Variants in SLC6A5 observed in about 807,000 individuals in gnomAD.
SLC6A5 encodes sodium- and chloride-dependent glycine transporter 2.
A neutral mutation model predicts 90.5 loss-of-function variants in SLC6A5; 58 were observed. The observed-to-expected ratio is 0.64, with a 90% CI of 0.52 to 0.80. The LOEUF (loss-of-function observed/expected upper bound fraction) is 0.80, where lower values mean the gene tolerates loss of function less well. SLC6A5 is among the 30% of genes least tolerant of loss of function. SLC6A5 has a pLI of 0.00. For missense variants in SLC6A5, 1,015 were observed against 1,017.6 expected (o/e 1.00, Z 0.03); for synonymous variants, 427 against 401.4 (o/e 1.06, Z -0.76).
At chr11:20,601,024 G>T in intron 1 of SLC6A5, 105 bp from the exon 2 acceptor site, 3 of 1,161,672 alleles carry the variant, frequency 2.6e-6, no homozygotes, top group South Asian at 3.1e-5. Context: ...TGCTTCCCCA[G>T]ATATTGTGTC....
chr11:20,600,912 A>G (rs1394544720), intron 1 of SLC6A5, among the ~76,000 whole-genome samples: 3 of 152,076 alleles, frequency 2.0e-5, no homozygotes, highest in Non-Finnish European at 2.9e-5. Flanking sequence ...TCCACTAGGG[A>G]GGGAATATTA....
chr11:20,601,193 A>G lies in SLC6A5; in HGVS notation c.68A>G (p.Gln23Arg). 1 of 1,583,572 alleles carries G rather than the reference A, an allele frequency of 6.3e-7. No individual in the cohort carries two copies. The highest frequency in any genetic ancestry group is 8.5e-7 in the Non-Finnish European group (1 of 1,173,224). Residue 23 changes from glutamine to arginine, a missense_variant, in exon 2 of 16, where the codon CAG becomes CGG. Gln to Arg is a conservative substitution (Grantham distance 43). Around this residue, in one of 3 missense-constraint regions of SLC6A5, gnomAD observed 567 missense variants for 507.3 expected, o/e 1.12. Transcript: ENST00000525748. ...PANSPEAAAA[Q>R]GHPDGPCAPR... ...AACAGCCCGGAGGCGGCGGCGGCGC[A>G]GGGCCACCCGGATGGCCCATGCGCT...
chr11:20,650,958 G>A (rs971067882), intron 14 of SLC6A5, among the ~76,000 whole-genome samples: 2 of 151,740 alleles, frequency 1.3e-5, no homozygotes, highest in South Asian at 2.1e-4. Flanking sequence ...GAGCCACCGC[G>A]CCCGGCCAGA....
chr11:20,619,846 A>G (rs987177185), intron 7 of SLC6A5, among the ~76,000 whole-genome samples: 1 of 152,144 alleles, frequency 6.6e-6, no homozygotes, highest in East Asian at 1.9e-4. Context: ...GAGAACTGGG[A>G]TTCAGTGACC....
chr11:20,636,732 A>T (rs924227352), intron 11 of SLC6A5, among the ~76,000 whole-genome samples: 1 of 152,188 alleles, frequency 6.6e-6, no homozygotes, highest in African/African-American at 2.4e-5. Context: ...TGGATAAAGA[A>T]TAATGTGAAA....
chr11:20,621,198 T>C (rs775195600), intron 7 of SLC6A5, among the ~76,000 whole-genome samples: 17 of 152,196 alleles, frequency 1.1e-4, no homozygotes, highest in Non-Finnish European at 1.9e-4. Flanking sequence ...CATTTTCATA[T>C]AGTGGGGGAA....
chr11:20,633,767 G>T (rs1400389877), intron 10 of SLC6A5, among the ~76,000 whole-genome samples: 1 of 152,194 alleles, frequency 6.6e-6, no homozygotes, highest in Non-Finnish European at 1.5e-5. Context: ...CTCTATAAAG[G>T]TAGGTACTAT....
chr11:20,610,240 C>A (rs969300165), intron 5 of SLC6A5, among the ~76,000 whole-genome samples: 10 of 152,220 alleles, frequency 6.6e-5, no homozygotes, highest in African/African-American at 1.7e-4. Context: ...TGAGATGGCC[C>A]ATCATTCCCT....
At chr11:20,623,389 C>A (rs770520700) in intron 7 of SLC6A5, among the ~76,000 whole-genome samples, 7 of 152,142 alleles carry the variant, frequency 4.6e-5, no homozygotes, top group African/African-American at 7.2e-5. Flanking sequence ...TCACACTCCC[C>A]ATGAAGTCTG....
In SLC6A5 at chr11:20,658,889, A is replaced by G. The variant is rs1053479849; in HGVS notation, c.*4021A>G. 2 of 152,094 alleles carry G rather than the reference A, an allele frequency of 1.3e-5. No homozygotes were observed. The highest frequency in any genetic ancestry group is 2.9e-5 in the Non-Finnish European group (2 of 68,008). The allele number at this position is 152,094 out of a possible 1,614,324, so 9.4% of individuals were successfully genotyped here. On this transcript the variant is annotated 3_prime_UTR_variant, in exon 16 of 16. Transcript: ENST00000525748. ...TTTTGCACTTTATTATGGACCTGTA[A>G]AGGAATAGGTTAATTCTTACATTGT...
chr11:20,606,751 TC>T (rs1325650044), intron 3 of SLC6A5, among the ~76,000 whole-genome samples: 2 of 152,088 alleles, frequency 1.3e-5, no homozygotes, highest in Non-Finnish European at 2.9e-5. Context: ...TCAGCACATA[TC>T]CCTAGCCATC....
At chr11:20,621,846 T>C (rs759401982) in intron 7 of SLC6A5, among the ~76,000 whole-genome samples, 8 of 152,220 alleles carry the variant, frequency 5.3e-5, no homozygotes, top group Non-Finnish European at 8.8e-5. Flanking sequence ...TATTTCACTG[T>C]TGGAGGCTGT....
At chr11:20,617,727 C>T (rs370888931) in intron 6 of SLC6A5, 25 bp from the exon 7 acceptor site, 3 of 1,608,908 alleles carry the variant, frequency 1.9e-6, no homozygotes, top group Non-Finnish European at 2.6e-6. Context: ...CTATCACTCC[C>T]CCCATCCCTC....
intron 7 of SLC6A5, among the ~76,000 whole-genome samples, chr11:20,618,810 A>G (rs540321981): frequency 2.6e-5 from 4 of 152,060 alleles, no homozygotes; most frequent in African/African-American, 4.8e-5. Flanking sequence ...GGTGGGGGGC[A>G]CCTGTAGTCC....
chr11:20,606,786 G>A (rs1030463429), intron 3 of SLC6A5, among the ~76,000 whole-genome samples: 1 of 152,214 alleles, frequency 6.6e-6, no homozygotes, highest in Non-Finnish European at 1.5e-5. Context: ...TTGAAATAAG[G>A]AGTGTATTTG....
chr11:20,642,799 C>T (rs1853338525), intron 13 of SLC6A5, among the ~76,000 whole-genome samples: 1 of 152,178 alleles, frequency 6.6e-6, no homozygotes, highest in African/African-American at 2.4e-5. Context: ...GGGAGTGAGG[C>T]AGAGGCTGGA....
In SLC6A5 at chr11:20,607,469, G is replaced by A. The variant is rs745718447; in HGVS notation, c.812-10G>A. ...GATGGAATGAACCCCTGGAATTTTT[G>A]CTTCTGCAGGCTGTGGCATCGCGAT... On this transcript the variant is annotated splice_polypyrimidine_tract_variant and intron_variant, in intron 4 of 15. Transcript: ENST00000525748. The A allele has an allele frequency of 1.9e-6, 3 of 1,614,068 alleles. No individual in the cohort carries two copies. The highest frequency in any genetic ancestry group is 1.7e-5 in the Admixed American group (1 of 60,012).
At chr11:20,633,393 T>A (rs1853142976) in intron 10 of SLC6A5, among the ~76,000 whole-genome samples, 1 of 152,202 alleles carries the variant, frequency 6.6e-6, no homozygotes, top group South Asian at 2.1e-4. Flanking sequence ...CATGCAGCCA[T>A]CTGTCTGTCA....
At position 20,617,832 on chromosome 11, in the gene SLC6A5, C is replaced by CT; in HGVS notation, c.1210dup (p.Trp404LeufsTer10). 6.2e-7 allele frequency: 1 copy of CT among 1,614,042 alleles called. No individual in the cohort carries two copies. Among genetic ancestry groups the CT allele is most frequent in the East Asian group, 2.2e-5 (1 of 44,882 alleles). Reference sequence around the variant, plus strand: ...CCACTAGCTCTCTGCCTCTTCCTGGCTTGGGTCATTGTGTATGCATCATTG... The same window carrying CT: ...CCACTAGCTCTCTGCCTCTTCCTGGCTTTGGGTCATTGTGTATGCATCATTG... On this transcript the variant is annotated frameshift_variant, in exon 7 of 16. Coordinates refer to ENST00000525748, the MANE Select transcript of SLC6A5 (RefSeq NM_004211.5). LOFTEE classifies it high-confidence loss of function.
Sources: allele counts gnomAD v4.1 joint callset (sites outside exome capture counted in the v4.1 genomes callset), GRCh38; gene constraint gnomAD v4.1.1; regional missense constraint gnomAD v4.1.1; transcripts MANE v1.5; gene names NCBI Gene and HGNC (gene_info 2026-07-23, HGNC 2026-07-21).